Variants in GRID2 observed in about 807,000 individuals in gnomAD.
GRID2 encodes glutamate ionotropic receptor delta type subunit 2, also known as glutamate receptor ionotropic, delta-2.
Under a neutral mutation model 114.8 loss-of-function variants are expected in GRID2, and 33 were observed. The ratio of observed to expected loss-of-function variants is 0.29; its 90% CI spans 0.22 to 0.38. The LOEUF is 0.38. GRID2 is among the 10% of genes least tolerant of loss of function. The pLI, the probability that GRID2 is intolerant of heterozygous loss-of-function variation, is 1.00. For synonymous variants in GRID2, 505 were observed against 449.9 expected, an observed-to-expected ratio of 1.12 and a Z score of -1.55; for missense variants, 1,184 against 1,257.7, an observed-to-expected ratio of 0.94 and a Z score of 0.89.
chr4:93,270,348 C>T (rs1751314653), intron 8 of GRID2, among the ~76,000 whole-genome samples: 1 of 151,946 alleles, frequency 6.6e-6, no homozygotes, highest in South Asian at 2.1e-4. Context: ...GCCGATTACA[C>T]TCTAAAATAG....
intron 1 of GRID2, among the ~76,000 whole-genome samples, chr4:92,409,465 TGATA>T (rs1483513544): frequency 6.6e-6 from 1 of 152,162 alleles, no homozygotes; most frequent in African/African-American, 2.4e-5. Flanking sequence ...TATTACTTTC[TGATA>T]GATTATGTCA....
chr4:92,696,131 G>A (rs1014096660), intron 2 of GRID2, among the ~76,000 whole-genome samples: 6 of 151,988 alleles, frequency 3.9e-5, no homozygotes, highest in African/African-American at 9.7e-5. Context: ...ATTTCTTTCC[G>A]TCTTTTAAAG....
intron 12 of GRID2, among the ~76,000 whole-genome samples, chr4:93,496,918 T>C (rs1727606381): frequency 6.6e-6 from 1 of 151,866 alleles, no homozygotes; most frequent in South Asian, 2.1e-4. Flanking sequence ...TGCTCGGTCA[T>C]GTGTTAAGTA....
intron 12 of GRID2, among the ~76,000 whole-genome samples, chr4:93,510,563 TTGC>T (rs1729064774): frequency 6.6e-6 from 1 of 152,204 alleles, no homozygotes; most frequent in Admixed American, 6.5e-5. Flanking sequence ...CCCAGAGAGT[TTGC>T]TATGAAGAAA....
At chr4:93,437,289 C>T (rs1219262615) in intron 10 of GRID2, among the ~76,000 whole-genome samples, 1 of 152,074 alleles carries the variant, frequency 6.6e-6, no homozygotes, top group Non-Finnish European at 1.5e-5. Context: ...GTAACTTGCC[C>T]ATAGTCACAT....
chr4:93,289,023 G>A (rs1753468372), intron 8 of GRID2, among the ~76,000 whole-genome samples: 1 of 152,130 alleles, frequency 6.6e-6, no homozygotes, highest in Non-Finnish European at 1.5e-5. Flanking sequence ...GCCTTATTTT[G>A]CCAAAAGGCT....
intron 2 of GRID2, among the ~76,000 whole-genome samples, chr4:92,719,771 C>T (rs931312986): frequency 2.0e-4 from 31 of 152,186 alleles, no homozygotes; most frequent in African/African-American, 7.5e-4. Flanking sequence ...TAAAATAGGA[C>T]ATGTAATTCA....
chr4:92,479,416 C>T (rs1722472982), intron 1 of GRID2, among the ~76,000 whole-genome samples: 1 of 151,968 alleles, frequency 6.6e-6, no homozygotes, highest in Non-Finnish European at 1.5e-5. Flanking sequence ...CCTAAATTTT[C>T]CAGAGAAAGT....
intron 13 of GRID2, among the ~76,000 whole-genome samples, chr4:93,535,071 G>A (rs1731900552): frequency 6.6e-6 from 1 of 151,822 alleles, no homozygotes; most frequent in Admixed American, 6.6e-5. Context: ...CTGCTTCTAT[G>A]AGTTTAATTT....
chr4:93,408,512 T>C (rs943166054), intron 9 of GRID2, among the ~76,000 whole-genome samples: 1 of 152,130 alleles, frequency 6.6e-6, no homozygotes, highest in African/African-American at 2.4e-5. Flanking sequence ...AATAAAAATA[T>C]GCATCTTTAT....
At chr4:93,148,394 A>T in intron 4 of GRID2, among the ~76,000 whole-genome samples, 1 of 152,144 alleles carries the variant, frequency 6.6e-6, no homozygotes, top group Admixed American at 6.6e-5. Flanking sequence ...CATACATAGA[A>T]GACAAAAATA....
intron 1 of GRID2, among the ~76,000 whole-genome samples, chr4:92,548,621 T>C (rs538295428): frequency 6.6e-6 from 1 of 151,708 alleles, no homozygotes; most frequent in Non-Finnish European, 1.5e-5. Context: ...CTCGAACTCC[T>C]GACCTCAGGT....
chr4:93,197,235 G>T (rs1289334475), intron 4 of GRID2, among the ~76,000 whole-genome samples: 1 of 152,060 alleles, frequency 6.6e-6, no homozygotes, highest in African/African-American at 2.4e-5. Context: ...TACATAACAG[G>T]TTCTGCAACT....
intron 6 of GRID2, among the ~76,000 whole-genome samples, chr4:93,220,153 A>G (rs1051597986): frequency 5.9e-5 from 9 of 152,160 alleles, no homozygotes; most frequent in Non-Finnish European, 1.2e-4. Flanking sequence ...ACTGTAGAAT[A>G]TATTATTAAA....
At chr4:92,999,781 C>T (rs1578715581) in intron 2 of GRID2, among the ~76,000 whole-genome samples, 1 of 151,380 alleles carries the variant, frequency 6.6e-6, no homozygotes. Flanking sequence ...GGATTAAGAG[C>T]ATAAATTTGT....
rs1436462919 is a variant in GRID2 at position 92,934,952 on chromosome 4, C to T, written c.245-150043C>T. On this transcript the variant is annotated intron_variant, in intron 2 of 15. Transcript: ENST00000282020. ...TAAAAACCCTAGAAGAAAACCTAGGCATTACCATTCAGGACATAGGCATGG... is the reference window on the plus strand; with the variant it reads ...TAAAAACCCTAGAAGAAAACCTAGGTATTACCATTCAGGACATAGGCATGG... Among the ~76,000 whole-genome samples the T allele has an allele frequency of 2.7e-5, 4 of 146,528 alleles. 1 individual carries two copies. Among genetic ancestry groups the T allele is most frequent in the Non-Finnish European group, 6.0e-5 (4 of 66,224 alleles).
chr4:93,032,191 C>G (rs2149258922), intron 2 of GRID2, among the ~76,000 whole-genome samples: 1 of 152,142 alleles, frequency 6.6e-6, no homozygotes, highest in Non-Finnish European at 1.5e-5. Context: ...TCTAGGACAG[C>G]CCTGATAATT....
At chr4:92,396,344 T>C (rs1730490477) in intron 1 of GRID2, among the ~76,000 whole-genome samples, 1 of 152,014 alleles carries the variant, frequency 6.6e-6, no homozygotes, top group Admixed American at 6.6e-5. Flanking sequence ...TCTTGCATGT[T>C]ATATTTGCCA....
chr4:92,403,655 G>A (rs371353549), intron 1 of GRID2, among the ~76,000 whole-genome samples: 8 of 151,564 alleles, frequency 5.3e-5, no homozygotes, highest in African/African-American at 1.9e-4. Context: ...TTGCGCCACT[G>A]TACTCCAGCC....
Sources: allele counts gnomAD v4.1 joint callset (sites outside exome capture counted in the v4.1 genomes callset), GRCh38; gene constraint gnomAD v4.1.1; transcripts MANE v1.5; gene names NCBI Gene and HGNC (gene_info 2026-07-23, HGNC 2026-07-21).